Variants in CELF2 observed in about 807,000 individuals in gnomAD.
CELF2 encodes CUG triplet repeat RNA-binding protein 2.
A neutral mutation model predicts 62.6 loss-of-function variants in CELF2; 8 were observed. That is an observed-to-expected ratio of 0.13 (90% CI 0.07 to 0.23). CELF2 has a LOEUF of 0.23. Among genes scored for constraint, CELF2 ranks in the 10% least tolerant of loss-of-function variants. CELF2 has a pLI of 1.00. For missense variants in CELF2, 333 were observed against 671.0 expected (o/e 0.50, Z 5.56); for synonymous variants, 258 against 250.0 (o/e 1.03, Z -0.30).
At chr10:10,651,340 G>T in the CELF2 span, among the ~76,000 whole-genome samples, 12 of 141,838 alleles carry the variant, frequency 8.5e-5, no homozygotes, top group Admixed American at 5.0e-4. Context: ...ACAAAGCAGC[G>T]GGGAAGCTCG....
chr10:10,648,573 A>G, the CELF2 span, among the ~76,000 whole-genome samples: 9 of 152,170 alleles, frequency 5.9e-5, no homozygotes, highest in African/African-American at 2.2e-4. Context: ...ATGGCATCAC[A>G]CTGAACCATG....
At chr10:10,908,571 G>C (rs1356902516) in intron 1 of CELF2, among the ~76,000 whole-genome samples, 1 of 151,976 alleles carries the variant, frequency 6.6e-6, no homozygotes. Flanking sequence ...AAAGGAAATA[G>C]GTTCTTTATC....
At chr10:10,875,946 T>C (rs1285071505) in intron 1 of CELF2, among the ~76,000 whole-genome samples, 2 of 152,168 alleles carry the variant, frequency 1.3e-5, no homozygotes, top group African/African-American at 4.8e-5. Flanking sequence ...TTATATTCCA[T>C]TCAAACTTGA....
chr10:11,116,608 A>G (rs2056617270), intron 1 of CELF2, among the ~76,000 whole-genome samples: 1 of 152,148 alleles, frequency 6.6e-6, no homozygotes, highest in Non-Finnish European at 1.5e-5. Context: ...CTGTGGAGAG[A>G]AGAGTGCCTG....
chr10:10,742,565 C>T, the CELF2 span, among the ~76,000 whole-genome samples: 5 of 141,158 alleles, frequency 3.5e-5, no homozygotes, highest in African/African-American at 1.3e-4. Context: ...CACAGTACTG[C>T]AGCAACAGAG....
the CELF2 span, among the ~76,000 whole-genome samples, chr10:10,535,161 T>C: frequency 6.6e-5 from 10 of 152,072 alleles, no homozygotes; most frequent in Admixed American, 1.3e-4. Context: ...GCAGATGAAA[T>C]CAACAGCACT....
intron 2 of CELF2, among the ~76,000 whole-genome samples, chr10:11,167,021 G>C (rs575848486): frequency 6.6e-6 from 1 of 152,312 alleles, no homozygotes; most frequent in South Asian, 2.1e-4. Flanking sequence ...GTAGTAGCAA[G>C]GTTGTTTCAA....
chr10:10,847,475 C>CA (rs2059090148), intron 1 of CELF2, among the ~76,000 whole-genome samples: 1 of 152,252 alleles, frequency 6.6e-6, no homozygotes, highest in African/African-American at 2.4e-5. Flanking sequence ...GGAAGAAATG[C>CA]ATGCTCGTCC....
chr10:10,534,400 C>G, the CELF2 span, among the ~76,000 whole-genome samples: 1 of 151,954 alleles, frequency 6.6e-6, no homozygotes, highest in Admixed American at 6.6e-5. Flanking sequence ...CTGATAGGGA[C>G]AAAGAGGGCA....
chr10:11,175,695 T>C (rs999076933), intron 2 of CELF2, among the ~76,000 whole-genome samples: 2 of 152,122 alleles, frequency 1.3e-5, no homozygotes, highest in Non-Finnish European at 2.9e-5. Context: ...GAGGTTAGGG[T>C]ACCCTTCAAA....
At chr10:10,772,123 T>C in the CELF2 span, among the ~76,000 whole-genome samples, 1 of 152,116 alleles carries the variant, frequency 6.6e-6, no homozygotes, top group Non-Finnish European at 1.5e-5. Context: ...AAAAGGTAGA[T>C]TGTAAAATGT....
chr10:10,997,591 C>T lies in CELF2; in HGVS notation c.89+77592C>T, dbSNP rs752646296. On this transcript the variant is annotated intron_variant, in intron 2 of 13. Transcript: ENST00000636488. This position sits in a 1 kb window ranked among gnomAD's most constrained non-coding sequence, Gnocchi z 5.3. Reference sequence around the variant, plus strand: ...TGGATCCCAGATAATGGTCGAGTAACGTAGTTTCTCTGACCTGGCACTTTG... The same window carrying T: ...TGGATCCCAGATAATGGTCGAGTAATGTAGTTTCTCTGACCTGGCACTTTG... Among the ~76,000 whole-genome samples, 11 of 152,188 alleles carry T rather than the reference C, an allele frequency of 7.2e-5. No individual in the cohort carries two copies. Among genetic ancestry groups the T allele is most frequent in the African/African-American group, 2.7e-4 (11 of 41,444 alleles).
intron 1 of CELF2, among the ~76,000 whole-genome samples, chr10:10,820,783 G>A (rs932017275): frequency 2.0e-5 from 3 of 152,180 alleles, no homozygotes; most frequent in Non-Finnish European, 2.9e-5. Context: ...AGGCCGCATT[G>A]AAGATTTTGT....
chr10:10,953,694 C>T (rs571901197), intron 2 of CELF2, among the ~76,000 whole-genome samples: 1 of 152,064 alleles, frequency 6.6e-6, no homozygotes, highest in Non-Finnish European at 1.5e-5. Flanking sequence ...AATGGGAAAG[C>T]CTTTTTGAAA....
At chr10:11,234,738 G>A (rs1296779085) in intron 3 of CELF2, among the ~76,000 whole-genome samples, 2 of 151,110 alleles carry the variant, frequency 1.3e-5, no homozygotes, top group East Asian at 1.9e-4. Flanking sequence ...GGGGGTGAGA[G>A]GAGGCAGGGA....
intron 1 of CELF2, among the ~76,000 whole-genome samples, chr10:10,915,968 A>T (rs1403222806): frequency 6.6e-6 from 1 of 152,224 alleles, no homozygotes; most frequent in Non-Finnish European, 1.5e-5. Flanking sequence ...TTAGGAAGCA[A>T]TGCTAATAAT....
intron 5 of CELF2, 76 bp from the exon 6 acceptor site, chr10:11,266,522 T>G: frequency 1.9e-6 from 2 of 1,064,954 alleles, no homozygotes; most frequent in Non-Finnish European, 2.9e-6. Context: ...TAGACTGTGT[T>G]GGTTTAACAA....
intron 1 of CELF2, among the ~76,000 whole-genome samples, chr10:11,132,684 A>G (rs2059795924): frequency 6.6e-6 from 1 of 152,198 alleles, no homozygotes; most frequent in African/African-American, 2.4e-5. Flanking sequence ...TCCACCGGCA[A>G]AAGACTTAAA....
At chr10:11,164,345 T>G (rs1386844881) in intron 1 of CELF2, among the ~76,000 whole-genome samples, 1 of 152,210 alleles carries the variant, frequency 6.6e-6, no homozygotes, top group Non-Finnish European at 1.5e-5. Flanking sequence ...GAAAAAGACA[T>G]GTCTTCATCA....
Sources: gnomAD v4.1 joint callset for allele counts (sites outside exome capture counted in the v4.1 genomes callset) on GRCh38, gnomAD v4.1.1 for gene constraint, Gnocchi (gnomAD v3.1) non-coding constraint, MANE v1.5 for transcripts, NCBI Gene and HGNC (gene_info 2026-07-23, HGNC 2026-07-21) for gene names.